RIPOR2: variants seen among roughly 807,000 people sequenced by gnomAD.
The protein encoded by RIPOR2 is RHO family interacting cell polarization regulator 2.
A neutral mutation model predicts 114.5 loss-of-function variants in RIPOR2; 39 were observed. That is an observed-to-expected ratio of 0.34 (90% CI 0.26 to 0.44). RIPOR2 has a LOEUF of 0.44. RIPOR2 is among the 20% of genes least tolerant of loss of function. The pLI, the probability that RIPOR2 is intolerant of heterozygous loss-of-function variation, is 1.00. For missense variants in RIPOR2, 1,007 were observed against 1,255.1 expected (o/e 0.80, Z 2.99); for synonymous variants, 445 against 484.4 (o/e 0.92, Z 1.07).
chr6:24,862,601 C>T (rs1295579689), intron 7 of RIPOR2, among the ~76,000 whole-genome samples: 1 of 152,192 alleles, frequency 6.6e-6, no homozygotes, highest in Admixed American at 6.5e-5. Context: ...AGCTTGAAAG[C>T]CTTGAAAACA....
At position 25,037,923 on chromosome 6, in the gene RIPOR2, G is replaced by C. The variant is rs141169249; in HGVS notation, c.76+3928C>G. ...GGTCCGGGTATTAAATAATATGTGG[G>C]GATCATTGTTAATTTTATTACGCAG... On this transcript the variant is annotated intron_variant, in intron 1 of 13. Transcript: ENST00000510784. This position sits in a 1 kb window ranked among gnomAD's most constrained non-coding sequence, Gnocchi z 4.5. Among the ~76,000 whole-genome samples, 1 of 151,826 alleles carries C rather than the reference G, an allele frequency of 6.6e-6. No homozygotes were observed. The highest frequency in any genetic ancestry group is 2.4e-5 in the African/African-American group (1 of 41,310).
chr6:24,868,535 T>C (rs1213520965), intron 6 of RIPOR2, among the ~76,000 whole-genome samples: 2 of 152,126 alleles, frequency 1.3e-5, no homozygotes, highest in South Asian at 4.1e-4. Flanking sequence ...CAGTGAACTA[T>C]GGGGTTCAGG....
At chr6:24,880,954 C>T (rs1232748594) in intron 1 of RIPOR2, among the ~76,000 whole-genome samples, 1 of 152,156 alleles carries the variant, frequency 6.6e-6, no homozygotes, top group Non-Finnish European at 1.5e-5. Context: ...CATAAAACAA[C>T]AAACTCAGGC....
At chr6:24,966,640 T>C (rs1196081621) in intron 1 of RIPOR2, among the ~76,000 whole-genome samples, 1 of 152,150 alleles carries the variant, frequency 6.6e-6, no homozygotes, top group African/African-American at 2.4e-5. Context: ...AGTCATGTTA[T>C]GTGGGAGGCT....
chr6:24,916,041 G>T (rs1561771066), intron 1 of RIPOR2, among the ~76,000 whole-genome samples: 1 of 152,220 alleles, frequency 6.6e-6, no homozygotes, highest in East Asian at 1.9e-4. Flanking sequence ...GAACTCAGTG[G>T]CCTTTGTGGA....
At chr6:24,864,325 A>C (rs944029142) in intron 7 of RIPOR2, among the ~76,000 whole-genome samples, 9 of 152,304 alleles carry the variant, frequency 5.9e-5, no homozygotes, top group African/African-American at 1.7e-4. Context: ...GCAAGACTCT[A>C]TCTCTCAAAA....
At chr6:24,838,990 T>A in intron 14 of RIPOR2, 101 bp downstream of exon 14, 4 of 993,622 alleles carry the variant, frequency 4.0e-6, no homozygotes, top group Non-Finnish European at 5.8e-6. Flanking sequence ...GAGAGTTTTA[T>A]CTTCCTGGAA....
At chr6:24,827,556 TC>T (rs1251810490) in intron 18 of RIPOR2, among the ~76,000 whole-genome samples, 2 of 152,202 alleles carry the variant, frequency 1.3e-5, no homozygotes, top group Non-Finnish European at 1.5e-5. Flanking sequence ...CTGGCTCCAC[TC>T]CCAAAGTGGA....
intron 1 of RIPOR2, among the ~76,000 whole-genome samples, chr6:24,884,592 C>T (rs1766645952): frequency 6.6e-6 from 1 of 152,122 alleles, no homozygotes; most frequent in Admixed American, 6.5e-5. Context: ...AGCCTCACTC[C>T]TCAGCAAGGG....
chr6:24,981,477 C>T (rs11964318), intron 1 of RIPOR2, among the ~76,000 whole-genome samples: 9,321 of 152,202 alleles, frequency 0.061, 951 homozygotes, highest in African/African-American at 0.21. Flanking sequence ...ACCTCCTGAC[C>T]CCCACAGCCC....
At chr6:24,824,876 A>G (rs953088465) in intron 19 of RIPOR2, among the ~76,000 whole-genome samples, 2 of 152,262 alleles carry the variant, frequency 1.3e-5, no homozygotes, top group Non-Finnish European at 2.9e-5. Flanking sequence ...CATAAATATA[A>G]TGAAGTAGAT....
At chr6:24,974,119 C>T (rs1394454019) in intron 1 of RIPOR2, among the ~76,000 whole-genome samples, 1 of 152,070 alleles carries the variant, frequency 6.6e-6, no homozygotes, top group East Asian at 1.9e-4. Context: ...GGTGGTGGCT[C>T]ATGCCTGTAA....
chr6:25,037,209 C>A lies in RIPOR2; in HGVS notation c.76+4642G>T, dbSNP rs1211466312. On this transcript the variant is annotated intron_variant, in intron 1 of 13. Coordinates refer to the RIPOR2 transcript ENST00000510784. The surrounding 1 kb of genome is among the most constrained non-coding windows in gnomAD (Gnocchi z 4.5). The stretch of plus-strand genomic sequence containing the variant: ...TCAGGGAGGTGGAATAAATTGCCCA[C>A]AGGCCAACAGCTAAGAAGTTGTAGA... 1.3e-5 allele frequency among the ~76,000 whole-genome samples: 2 copies of A among 152,170 alleles called. No individual in the cohort carries two copies. Among genetic ancestry groups the A allele is most frequent in the East Asian group, 3.8e-4 (2 of 5,198 alleles).
At chr6:24,912,853 G>C (rs1310750771) in intron 1 of RIPOR2, among the ~76,000 whole-genome samples, 1 of 152,176 alleles carries the variant, frequency 6.6e-6, no homozygotes, top group Non-Finnish European at 1.5e-5. Flanking sequence ...AGGAGGAAGA[G>C]GATGAAAAGA....
chr6:24,829,232 T>C (rs996695190), intron 17 of RIPOR2, among the ~76,000 whole-genome samples: 3 of 152,144 alleles, frequency 2.0e-5, no homozygotes, highest in African/African-American at 7.2e-5. Flanking sequence ...GAGGATCGCT[T>C]GAACCTGGGA....
intron 1 of RIPOR2, among the ~76,000 whole-genome samples, chr6:24,888,213 G>A (rs890984373): frequency 3.3e-5 from 5 of 152,056 alleles, no homozygotes; most frequent in Non-Finnish European, 7.4e-5. Flanking sequence ...AAAATACACC[G>A]ACCAGGGATC....
At chr6:24,893,486 C>T (rs1328739978) in intron 1 of RIPOR2, among the ~76,000 whole-genome samples, 1 of 152,164 alleles carries the variant, frequency 6.6e-6, no homozygotes, top group Non-Finnish European at 1.5e-5. Context: ...GGTCTCTGTG[C>T]AGATAAAGAT....
In RIPOR2 at chr6:24,818,614, A is replaced by G; in HGVS notation, c.2880T>C (p.Tyr960=). 1.3e-6 allele frequency: 2 copies of G among 1,549,890 alleles called. No homozygotes were observed. Among genetic ancestry groups the G allele is most frequent in the African/African-American group, 1.4e-5 (1 of 73,096 alleles). The change falls in exon 20 of 22, where the codon TAT becomes TAC. Residue 960 remains tyrosine (Y), a synonymous_variant. Coordinates refer to ENST00000643898, the MANE Select transcript of RIPOR2 (RefSeq NM_001286445.3). The stretch of plus-strand genomic sequence containing the variant: ...TTGTCTTTGTTAGTGCTTCACAGTA[A>G]TAGAGCAAGGCCTGAAAGAGAAGGA... ...NQHFREKALL[Y]YCEALTKTNL...
intron 19 of RIPOR2, among the ~76,000 whole-genome samples, chr6:24,820,534 T>A (rs1258962957): frequency 1.3e-5 from 2 of 152,164 alleles, no homozygotes; most frequent in East Asian, 3.9e-4. Flanking sequence ...AGACCCTTTC[T>A]CTCCAGTCGC....
Sources: allele counts gnomAD v4.1 joint callset (sites outside exome capture counted in the v4.1 genomes callset), GRCh38; gene constraint gnomAD v4.1.1; non-coding constraint Gnocchi (gnomAD v3.1); transcripts MANE v1.5; gene names NCBI Gene and HGNC (gene_info 2026-07-23, HGNC 2026-07-21).